Variants in IARS1 observed in about 807,000 individuals in gnomAD.
IARS1 encodes isoleucine--tRNA ligase, cytoplasmic.
IARS1 carries 124 observed loss-of-function variants against 168.2 expected under a neutral mutation model. The ratio of observed to expected loss-of-function variants is 0.74; its 90% confidence interval spans 0.64 to 0.86. The LOEUF is 0.86. Ranked by LOEUF, IARS1 falls within the 40% of genes least tolerant of loss-of-function variation. The pLI is 0.00. For synonymous variants in IARS1, 532 were observed against 529.4 expected, an observed-to-expected ratio of 1.00 and a Z score of -0.07; for missense variants, 1,452 against 1,515.8, an observed-to-expected ratio of 0.96 and a Z score of 0.70.
intron 30 of IARS1, chr9:92,240,268 T>A (rs779323207): frequency 5.6e-6 from 1 of 178,694 alleles, no homozygotes; most frequent in African/African-American, 2.4e-5. Context: ...ATTTTTCTTT[T>A]CTTTTTTTTT....
Position 92,274,427 on chromosome 9 carries a change from G to C in IARS1, c.989C>G (p.Ala330Gly). The change falls in exon 10 of 34, where the codon GCT becomes GGT. Residue 330 changes from alanine (A) to glycine (G), a missense_variant and splice_region_variant. Transcript: ENST00000443024. ...ATTTGCCAGACTTATGCTACTCACA[G>C]CACCGAAGTAAGGAGCTTGGTGGAC... ...GVVHQAPYFG[A>G]EDYRVCMDFN... 6.2e-7 allele frequency: 1 copy of C among 1,611,084 alleles called. No homozygotes were observed. Among genetic ancestry groups the C allele is most frequent in the African/African-American group, 1.3e-5 (1 of 75,006 alleles).
At chr9:92,225,069 G>C (rs1471667910) in intron 31 of IARS1, among the ~76,000 whole-genome samples, 1 of 152,166 alleles carries the variant, frequency 6.6e-6, no homozygotes, top group Non-Finnish European at 1.5e-5. Context: ...TTTCGATACA[G>C]TGTTATTGCC....
intron 29 of IARS1, among the ~76,000 whole-genome samples, chr9:92,241,612 G>A (rs1164929328): frequency 6.6e-6 from 1 of 152,140 alleles, no homozygotes; most frequent in Admixed American, 6.5e-5. Flanking sequence ...AAAGTGCTGG[G>A]ATTACAGGTG....
intron 7 of IARS1, among the ~76,000 whole-genome samples, chr9:92,279,676 G>GT (rs201608967): frequency 0.03 from 4,513 of 152,188 alleles, 102 homozygotes; most frequent in South Asian, 0.079. Context: ...TAAAAATCAT[G>GT]GTAACCATTC....
intron 33 of IARS1, among the ~76,000 whole-genome samples, chr9:92,212,630 T>G (rs1837946348): frequency 6.6e-6 from 1 of 152,188 alleles, no homozygotes; most frequent in African/African-American, 2.4e-5. Flanking sequence ...ACCAAAGGAT[T>G]TGAGGGACAA....
In IARS1 at chr9:92,249,749, C is replaced by A. The variant is rs1352440272; in HGVS notation, c.2616+109G>T. 14 of 579,452 alleles carry A rather than the reference C, an allele frequency of 2.4e-5. No individual in the cohort carries two copies. The Admixed American group carries it at 3.7e-4, about 15-fold the overall frequency. The allele number at this position is 579,452 out of a possible 1,614,324, so 35.9% of individuals were successfully genotyped here. A position where few individuals can be genotyped will look rare whatever the true frequency, so the allele number is the denominator to read the frequency against. On this transcript the variant is annotated intron_variant, in intron 25 of 33. Coordinates refer to ENST00000443024, the MANE Select transcript of IARS1 (RefSeq NM_002161.6). ...ATATGGATTATTACATTTGTTATGA[C>A]TATACTAATAAAAATAAATTATAGA...
At chr9:92,242,128 G>T (rs775590319) in intron 29 of IARS1, 26 bp downstream of exon 29, 4 of 1,578,344 alleles carry the variant, frequency 2.5e-6, no homozygotes, top group Middle Eastern at 1.7e-4. Context: ...CCCTTTAGTA[G>T]TAGTTCAGTG....
intron 33 of IARS1, among the ~76,000 whole-genome samples, chr9:92,214,536 G>C (rs1389405437): frequency 1.3e-5 from 2 of 152,234 alleles, no homozygotes; most frequent in Non-Finnish European, 2.9e-5. Flanking sequence ...GGGAGTGCCA[G>C]ACAGTGGGCG....
In IARS1 at chr9:92,275,946, C is replaced by T. The variant is rs535498325; in HGVS notation, c.895-1425G>A. Among the ~76,000 whole-genome samples, 4 of 152,322 alleles carry T rather than the reference C, an allele frequency of 2.6e-5. No individual in the cohort carries two copies. In the East Asian group the frequency reaches 5.8e-4, roughly 22 times the overall value. On this transcript the variant is annotated intron_variant, in intron 9 of 33. Transcript: ENST00000443024. ...ATACCTACCAAGTGCATATTCCAGA[C>T]AGACCTCTACTTAACCTAAAGTTCC... is the stretch of plus-strand genomic sequence containing the variant.
At chr9:92,243,436 C>T in intron 27 of IARS1, 125 bp from the exon 28 acceptor site, 1 of 609,066 alleles carries the variant, frequency 1.6e-6, no homozygotes, top group Non-Finnish European at 3.0e-6. Flanking sequence ...CACAAATGAG[C>T]AAAAGCAATA....
At chr9:92,272,359 G>A (rs1833165324) in intron 10 of IARS1, among the ~76,000 whole-genome samples, 1 of 152,206 alleles carries the variant, frequency 6.6e-6, no homozygotes, top group South Asian at 2.1e-4. Context: ...GACAGGAAAA[G>A]CCCCTAAGTG....
chr9:92,211,220 T>C (rs562220331), intron 33 of IARS1, among the ~76,000 whole-genome samples: 1 of 152,282 alleles, frequency 6.6e-6, no homozygotes. Flanking sequence ...ACAGCAATCA[T>C]GCCTACAGAA....
At chr9:92,287,329 C>T (rs1835612025) in intron 4 of IARS1, 1 of 153,760 alleles carries the variant, frequency 6.5e-6, no homozygotes, top group Non-Finnish European at 1.5e-5. Context: ...TGTGATTGGT[C>T]AGAAATAAAA....
chr9:92,258,725 A>G (rs1831087381), intron 19 of IARS1, 129 bp downstream of exon 19: 2 of 949,134 alleles, frequency 2.1e-6, no homozygotes, highest in Non-Finnish European at 3.0e-6. Flanking sequence ...CATGGCTCTA[A>G]GTTACCCCAG....
chr9:92,253,395 A>G lies in IARS1; in HGVS notation c.2196T>C (p.Asn732=), dbSNP rs1830282699. 1 of 1,613,618 alleles carries G rather than the reference A, an allele frequency of 6.2e-7. No individual in the cohort carries two copies. The highest frequency in any genetic ancestry group is 8.5e-7 in the Non-Finnish European group (1 of 1,179,580). The change falls in exon 21 of 34, where the codon AAT becomes AAC. Residue 732 remains asparagine (N), a synonymous_variant. Coordinates refer to ENST00000443024, the MANE Select transcript of IARS1 (RefSeq NM_002161.6). ...TTCTGCGGTTCATTCTAACATACCA[A>G]TTGGTCAGAATATCTACAAACTTGA... is the stretch of plus-strand genomic sequence containing the variant. ...RLVKFVDILT[N]WYVRMNRRRL... is the part of the protein sequence containing the mutation.
chr9:92,264,222 C>A (rs1831946184), intron 16 of IARS1, among the ~76,000 whole-genome samples: 1 of 151,510 alleles, frequency 6.6e-6, no homozygotes, highest in Non-Finnish European at 1.5e-5. Flanking sequence ...GTAGACCCAG[C>A]TACTTAGGAG....
At chr9:92,252,780 A>AAAAAAAAAAAAAAAAAAAAAAG (rs1830198310) in intron 21 of IARS1, among the ~76,000 whole-genome samples, 1 of 147,974 alleles carries the variant, frequency 6.8e-6, no homozygotes, top group African/African-American at 2.5e-5. Flanking sequence ...AAAAAAAAAA[A>AAAAAAAAAAAAAAAAAAAAAAG]AAAAAAAAAA....
chr9:92,229,305 GATGGATATAT>G (rs1826265162), intron 30 of IARS1, among the ~76,000 whole-genome samples, 179 bp from the exon 31 acceptor site: 1 of 149,970 alleles, frequency 6.7e-6, no homozygotes, highest in Non-Finnish European at 1.5e-5. Context: ...GCATACCAAG[GATGGATATAT>G]ATACATATAT....
chr9:92,210,616 G>A lies in IARS1; in HGVS notation c.*191C>T. ...ACTGCATAGGTGTCTAAGGTTAAGT[G>A]TGAAGATTACTGTGAGGTCTCAAGT... On this transcript the variant is annotated 3_prime_UTR_variant, in exon 34 of 34. Coordinates refer to ENST00000443024, the MANE Select transcript of IARS1 (RefSeq NM_002161.6). 1 of 539,898 alleles carries A rather than the reference G, an allele frequency of 1.9e-6. No homozygotes were observed. Among genetic ancestry groups the A allele is most frequent in the Non-Finnish European group, 3.4e-6 (1 of 296,354 alleles). 33.4% of individuals were successfully genotyped at this position (539,898 alleles called of 1,614,324 possible). A position where few individuals can be genotyped will look rare whatever the true frequency, so the allele number is the denominator to read the frequency against.
Sources: allele counts gnomAD v4.1 joint callset (sites outside exome capture counted in the v4.1 genomes callset), GRCh38; gene constraint gnomAD v4.1.1; transcripts MANE v1.5; gene names NCBI Gene and HGNC (gene_info 2026-07-23, HGNC 2026-07-21).